Variants in DLG2 observed in about 807,000 individuals in gnomAD.
DLG2 encodes the protein discs large MAGUK scaffold protein 2.
Under a neutral mutation model 132.5 loss-of-function variants are expected in DLG2, and 45 were observed. That is an observed-to-expected ratio of 0.34 (90% confidence interval 0.27 to 0.44). The LOEUF (loss-of-function observed/expected upper bound fraction) is 0.44. Ranked by LOEUF, DLG2 falls within the 20% of genes least tolerant of loss-of-function variation. The pLI, the probability that DLG2 is intolerant of heterozygous loss-of-function variation, is 1.00. For missense variants in DLG2, 1,045 were observed against 1,196.9 expected (o/e 0.87, Z 1.87); for synonymous variants, 424 against 419.6 (o/e 1.01, Z -0.13).
At chr11:84,709,615 C>G (rs1418829960) in intron 6 of DLG2, among the ~76,000 whole-genome samples, 1 of 151,916 alleles carries the variant, frequency 6.6e-6, no homozygotes, top group African/African-American at 2.4e-5. Flanking sequence ...ACTCTACCCT[C>G]AGGACTTGCT....
chr11:85,343,989 T>C (rs890813891), intron 3 of DLG2, among the ~76,000 whole-genome samples: 1 of 152,142 alleles, frequency 6.6e-6, no homozygotes, highest in Non-Finnish European at 1.5e-5. Flanking sequence ...TGAAGGAAGT[T>C]AATTTTTAAA....
intron 7 of DLG2, among the ~76,000 whole-genome samples, chr11:84,489,380 T>C (rs2099158800): frequency 6.6e-6 from 1 of 152,138 alleles, no homozygotes; most frequent in African/African-American, 2.4e-5. Flanking sequence ...CTAAACCATC[T>C]ACTATTCCTA....
intron 3 of DLG2, among the ~76,000 whole-genome samples, chr11:85,383,894 T>C (rs1219082944): frequency 6.6e-6 from 1 of 152,176 alleles, no homozygotes; most frequent in Non-Finnish European, 1.5e-5. Flanking sequence ...TCAGGCTTTC[T>C]TAAATGTGCT....
chr11:83,459,883 A>ATTGG lies in DLG2; in HGVS notation c.2859_2862dup (p.Cys955ProfsTer7). The ATTGG allele has an allele frequency of 6.2e-7, 1 of 1,610,844 alleles. No individual in the cohort carries two copies. Among genetic ancestry groups the ATTGG allele is most frequent in the Non-Finnish European group, 8.5e-7 (1 of 1,177,042 alleles). On this transcript the variant is annotated frameshift_variant, in exon 28 of 28. Transcript: ENST00000376104. LOFTEE classifies it high-confidence loss of function. ...GATTGCTCTTCAATAACAAGCTTGC[A>ATTGG]TTGGTTATATATATCTTCTAAAGTA...
At chr11:83,742,899 G>C (rs941151418) in intron 18 of DLG2, among the ~76,000 whole-genome samples, 1 of 152,134 alleles carries the variant, frequency 6.6e-6, no homozygotes, top group African/African-American at 2.4e-5. Flanking sequence ...CCAGAAGTTA[G>C]AAGTAAATGA....
intron 4 of DLG2, among the ~76,000 whole-genome samples, chr11:85,244,773 A>G (rs1225765798): frequency 6.6e-6 from 1 of 152,018 alleles, no homozygotes; most frequent in Non-Finnish European, 1.5e-5. Flanking sequence ...ATGTAACAGC[A>G]CTATCAAATA....
chr11:84,035,433 A>G (rs1230778954), intron 11 of DLG2, among the ~76,000 whole-genome samples: 2 of 152,228 alleles, frequency 1.3e-5, no homozygotes, highest in African/African-American at 4.8e-5. Flanking sequence ...CCCTTAATAA[A>G]GAGAGAAAGC....
At chr11:85,188,784 T>G (rs1367800957) in intron 4 of DLG2, among the ~76,000 whole-genome samples, 2 of 152,080 alleles carry the variant, frequency 1.3e-5, no homozygotes, top group Non-Finnish European at 2.9e-5. Context: ...TCAGTAAACT[T>G]GAAGATTAGA....
chr11:84,307,468 G>A (rs2098232689), intron 7 of DLG2, among the ~76,000 whole-genome samples: 1 of 152,058 alleles, frequency 6.6e-6, no homozygotes, highest in African/African-American at 2.4e-5. Flanking sequence ...AGGCCAAGGC[G>A]GGTGGATCAC....
At chr11:85,303,970 G>A (rs1216067587) in intron 3 of DLG2, among the ~76,000 whole-genome samples, 1 of 152,172 alleles carries the variant, frequency 6.6e-6, no homozygotes, top group Non-Finnish European at 1.5e-5. Context: ...GTAATGAAAT[G>A]TTATACATGG....
chr11:84,866,462 G>A (rs563490725), intron 6 of DLG2, among the ~76,000 whole-genome samples: 2 of 152,200 alleles, frequency 1.3e-5, no homozygotes, highest in Non-Finnish European at 2.9e-5. Context: ...ATGACTTGCA[G>A]AAAAGAATCA....
intron 19 of DLG2, among the ~76,000 whole-genome samples, chr11:83,600,214 G>T (rs2058300289): frequency 6.8e-6 from 1 of 147,122 alleles, no homozygotes. Context: ...AGGAAAAGAT[G>T]AGTTCACACA....
intron 9 of DLG2, among the ~76,000 whole-genome samples, chr11:84,145,198 C>T (rs759496878): frequency 6.6e-6 from 1 of 152,162 alleles, no homozygotes; most frequent in Non-Finnish European, 1.5e-5. Context: ...CAGATTTTGT[C>T]TAAAAGCTGT....
At chr11:85,439,946 G>C (rs1268651235) in intron 3 of DLG2, among the ~76,000 whole-genome samples, 1 of 152,070 alleles carries the variant, frequency 6.6e-6, no homozygotes, top group Non-Finnish European at 1.5e-5. Flanking sequence ...GCTAGATAGA[G>C]GTATTTTATT....
intron 18 of DLG2, among the ~76,000 whole-genome samples, chr11:83,644,290 A>G (rs888833692): frequency 6.6e-6 from 1 of 152,140 alleles, no homozygotes; most frequent in African/African-American, 2.4e-5. Context: ...CCTCTTCCTG[A>G]TAAGAAAGTG....
At chr11:84,176,155 T>C (rs1350550668) in intron 8 of DLG2, among the ~76,000 whole-genome samples, 1 of 151,492 alleles carries the variant, frequency 6.6e-6, no homozygotes, top group Non-Finnish European at 1.5e-5. Context: ...TCACTTACCA[T>C]CCCCCTCCCC....
intron 3 of DLG2, among the ~76,000 whole-genome samples, chr11:85,312,087 C>T (rs1053145328): frequency 6.6e-5 from 10 of 151,872 alleles, no homozygotes; most frequent in African/African-American, 2.4e-4. Flanking sequence ...AGTCAATTAT[C>T]TCTGTGTTTT....
intron 22 of DLG2, among the ~76,000 whole-genome samples, chr11:83,473,332 G>T (rs1179902344): frequency 6.6e-6 from 1 of 152,074 alleles, no homozygotes; most frequent in Non-Finnish European, 1.5e-5. Context: ...AAAAATTGAG[G>T]TGTGTCCTAC....
chr11:84,834,356 T>A (rs1272368010), intron 6 of DLG2, among the ~76,000 whole-genome samples: 1 of 151,574 alleles, frequency 6.6e-6, no homozygotes, highest in African/African-American at 2.4e-5. Flanking sequence ...TAAACTTTTA[T>A]TTTTGGTTCT....
Sources: gnomAD v4.1 joint callset for allele counts (sites outside exome capture counted in the v4.1 genomes callset) on GRCh38, gnomAD v4.1.1 for gene constraint, MANE v1.5 for transcripts, NCBI Gene and HGNC (gene_info 2026-07-23, HGNC 2026-07-21) for gene names.